NEGR1: variants seen among roughly 807,000 people sequenced by gnomAD.
The protein encoded by NEGR1 is IgLON family member 4.
In NEGR1, 10 loss-of-function variants were observed where a neutral mutation model predicts 40.9. The ratio of observed to expected loss-of-function variants is 0.24; its 90% CI spans 0.15 to 0.42. NEGR1 has a LOEUF of 0.42. NEGR1 is among the 10% of genes least tolerant of loss of function. The pLI, the probability that NEGR1 is intolerant of heterozygous loss-of-function variation, is 1.00. For synonymous variants in NEGR1, 185 were observed against 166.8 expected (o/e 1.11, Z -0.84); for missense variants, 352 against 438.9 (o/e 0.80, Z 1.77).
At chr1:72,026,244 G>A (rs2100429737) in intron 1 of NEGR1, among the ~76,000 whole-genome samples, 1 of 151,154 alleles carries the variant, frequency 6.6e-6, no homozygotes, top group African/African-American at 2.4e-5. Context: ...GTTAAAAATG[G>A]AAAGATAGGG....
chr1:71,732,650 T>A (rs1324273562), intron 3 of NEGR1, among the ~76,000 whole-genome samples: 2 of 152,086 alleles, frequency 1.3e-5, no homozygotes, highest in Non-Finnish European at 2.9e-5. Context: ...AATCAAGTTT[T>A]TTTTCCTGAC....
At chr1:71,879,296 G>A (rs1660519759) in intron 2 of NEGR1, among the ~76,000 whole-genome samples, 1 of 152,140 alleles carries the variant, frequency 6.6e-6, no homozygotes, top group South Asian at 2.1e-4. Context: ...GATAAAAGAT[G>A]CTACTCCCCA....
chr1:71,792,678 C>G (rs1007452873), intron 2 of NEGR1, among the ~76,000 whole-genome samples: 1 of 151,992 alleles, frequency 6.6e-6, no homozygotes, highest in Admixed American at 6.6e-5. Context: ...TAACATGGTG[C>G]TTTTGATAGG....
chr1:72,034,543 A>G (rs1646885944), intron 1 of NEGR1, among the ~76,000 whole-genome samples: 1 of 152,186 alleles, frequency 6.6e-6, no homozygotes, highest in Non-Finnish European at 1.5e-5. Context: ...AATATAGTAA[A>G]CAGAATGCCA....
chr1:71,651,385 A>G (rs1651712259), intron 4 of NEGR1, among the ~76,000 whole-genome samples: 1 of 152,142 alleles, frequency 6.6e-6, no homozygotes, highest in Non-Finnish European at 1.5e-5. Context: ...GCTTTTCCAC[A>G]AAGTATGTAT....
intron 1 of NEGR1, among the ~76,000 whole-genome samples, chr1:72,112,146 C>T (rs983610475): frequency 1.3e-5 from 2 of 151,324 alleles, no homozygotes; most frequent in African/African-American, 4.8e-5. Flanking sequence ...CATAAAGAAA[C>T]CTATTTAATT....
chr1:72,005,815 T>C (rs1646601452), intron 1 of NEGR1, among the ~76,000 whole-genome samples: 1 of 152,166 alleles, frequency 6.6e-6, no homozygotes, highest in Non-Finnish European at 1.5e-5. Context: ...AAAATCAATT[T>C]TGGAAATCAA....
At chr1:71,642,496 T>C (rs1424055946) in intron 4 of NEGR1, among the ~76,000 whole-genome samples, 1 of 151,944 alleles carries the variant, frequency 6.6e-6, no homozygotes, top group Non-Finnish European at 1.5e-5. Context: ...TTGTAAGCCC[T>C]TGCTCTCTCA....
intron 1 of NEGR1, among the ~76,000 whole-genome samples, chr1:72,177,337 T>C (rs983840047): frequency 6.6e-6 from 1 of 152,062 alleles, no homozygotes; most frequent in Non-Finnish European, 1.5e-5. Context: ...GCCTAGTTTC[T>C]AGCTAAATTT....
At chr1:71,801,099 T>C (rs1294918885) in intron 2 of NEGR1, among the ~76,000 whole-genome samples, 1 of 152,166 alleles carries the variant, frequency 6.6e-6, no homozygotes, top group Non-Finnish European at 1.5e-5. Flanking sequence ...CTTAGTATAT[T>C]ACTCAACGTT....
intron 6 of NEGR1, among the ~76,000 whole-genome samples, chr1:71,510,312 T>C (rs1406743037): frequency 6.6e-6 from 1 of 152,090 alleles, no homozygotes; most frequent in Non-Finnish European, 1.5e-5. Flanking sequence ...CTCACTGTCC[T>C]ATAAGGAAAA....
At chr1:71,849,114 A>T (rs998718164) in intron 2 of NEGR1, among the ~76,000 whole-genome samples, 3 of 151,990 alleles carry the variant, frequency 2.0e-5, no homozygotes, top group Non-Finnish European at 4.4e-5. Context: ...AAAGAAATAC[A>T]TTTCATAATG....
intron 2 of NEGR1, among the ~76,000 whole-genome samples, chr1:71,801,130 T>C (rs1002709159): frequency 6.6e-6 from 1 of 152,158 alleles, no homozygotes; most frequent in African/African-American, 2.4e-5. Context: ...GATCACTTTG[T>C]TCCCCTTGAA....
intron 2 of NEGR1, among the ~76,000 whole-genome samples, chr1:71,792,531 G>A (rs548831047): frequency 1.3e-5 from 2 of 152,124 alleles, no homozygotes; most frequent in East Asian, 1.9e-4. Flanking sequence ...GAGATAGGAT[G>A]ACCACCTGCC....
intron 1 of NEGR1, among the ~76,000 whole-genome samples, chr1:72,077,459 T>C (rs1406536828): frequency 6.6e-6 from 1 of 152,110 alleles, no homozygotes; most frequent in African/African-American, 2.4e-5. Flanking sequence ...ACCTTTGCCA[T>C]CTCAGGGTAA....
intron 2 of NEGR1, among the ~76,000 whole-genome samples, chr1:71,808,821 G>C (rs1657876207): frequency 1.3e-5 from 2 of 151,974 alleles, no homozygotes; most frequent in African/African-American, 4.8e-5. Flanking sequence ...CCTCCTCTTA[G>C]AGTAAACTAT....
intron 1 of NEGR1, among the ~76,000 whole-genome samples, chr1:71,948,807 G>A (rs1037039940): frequency 3.3e-5 from 5 of 151,994 alleles, no homozygotes; most frequent in Admixed American, 6.6e-5. Context: ...AATCCACTGC[G>A]ATTTAGGAAA....
intron 3 of NEGR1, among the ~76,000 whole-genome samples, chr1:71,770,997 C>T (rs987259919): frequency 6.6e-6 from 1 of 152,114 alleles, no homozygotes; most frequent in Non-Finnish European, 1.5e-5. Context: ...AAGACACATG[C>T]ACACGTATGT....
At chr1:71,530,371 C>A (rs1353591679) in intron 6 of NEGR1, among the ~76,000 whole-genome samples, 1 of 151,066 alleles carries the variant, frequency 6.6e-6, no homozygotes, top group East Asian at 2.0e-4. Flanking sequence ...TATATATTGC[C>A]AAATCCTTCT....
Sources: gnomAD v4.1 joint callset for allele counts (sites outside exome capture counted in the v4.1 genomes callset) on GRCh38, gnomAD v4.1.1 for gene constraint, MANE v1.5 for transcripts, NCBI Gene and HGNC (gene_info 2026-07-23, HGNC 2026-07-21) for gene names.